The following PKN2 variants were observed in gnomAD, a reference collection of about 807,000 sequenced individuals.
PKN2 encodes the protein protein kinase N2, also known as serine/threonine-protein kinase N2.
Under a neutral mutation model 119.1 loss-of-function variants are expected in PKN2, and 38 were observed. That is an observed-to-expected ratio of 0.32 (90% confidence interval 0.25 to 0.42). The LOEUF is 0.42. PKN2 is among the 10% of genes least tolerant of loss of function. The pLI, the probability that PKN2 is intolerant of heterozygous loss-of-function variation, is 1.00. For missense variants in PKN2, 850 were observed against 1,165.1 expected (o/e 0.73, Z 3.94); for synonymous variants, 390 against 384.9 (o/e 1.01, Z -0.15).
rs1668564482 is a variant in PKN2, at chr1:88,741,178, C to G, written c.239C>G (p.Ala80Gly). 1 of 1,608,230 alleles carries G rather than the reference C, an allele frequency of 6.2e-7. No homozygotes were observed. Among genetic ancestry groups the G allele is most frequent in the Admixed American group, 1.7e-5 (1 of 59,016 alleles). The change falls in exon 2 of 22, where the codon GCT becomes GGT. Residue 80 changes from alanine to glycine, a missense_variant. Transcript: ENST00000370521. ...GTCACAACAGATAAAAAAAGTTTGG[C>G]TTATGTAGACAACATTTTGAAAAAA... is the stretch of plus-strand genomic sequence containing the variant. ...RKVTTDKKSLAYVDNILKKSN... is the reference protein window; with the variant it reads ...RKVTTDKKSLGYVDNILKKSN...
rs369398098 is a variant in PKN2 at position 88,805,656 on chromosome 1, T to C, written c.1661T>C (p.Leu554Pro). ...GTGGTTGATGTACGCATCCCTCAAC[T>C]AGCACCTCCAGCTAGGTATGTGTCT... ...VPVVDVRIPQLAPPASDSTVT... is the reference protein window; with the variant it reads ...VPVVDVRIPQPAPPASDSTVT... The change falls in exon 11 of 22, where the codon CTA becomes CCA. Residue 554 changes from leucine to proline, a missense_variant. Coordinates refer to ENST00000370521, the MANE Select transcript of PKN2 (RefSeq NM_006256.4). 1.2e-6 allele frequency: 2 copies of C among 1,613,986 alleles called. No homozygotes were observed. The highest frequency in any genetic ancestry group is 1.7e-6 in the Non-Finnish European group (2 of 1,179,994).
At chr1:88,788,908 T>C (rs916933790) in intron 8 of PKN2, among the ~76,000 whole-genome samples, 1 of 152,088 alleles carries the variant, frequency 6.6e-6, no homozygotes, top group Non-Finnish European at 1.5e-5. Flanking sequence ...CCATGAGAGA[T>C]TGAAATAAAT....
intron 1 of PKN2, among the ~76,000 whole-genome samples, chr1:88,711,050 G>T (rs1198750587): frequency 2.0e-5 from 3 of 152,072 alleles, no homozygotes; most frequent in Admixed American, 1.3e-4. Flanking sequence ...AACAGAAAAC[G>T]AAATACTACA....
intron 19 of PKN2, chr1:88,828,864 TTATTA>T (rs148201288): frequency 0.026 from 15,765 of 603,094 alleles, 546 homozygotes; most frequent in African/African-American, 0.1. Flanking sequence ...TATTGTACTT[TTATTA>T]TGTTTTCTGA....
chr1:88,767,207 A>G (rs1053625553), intron 3 of PKN2, among the ~76,000 whole-genome samples: 2 of 152,190 alleles, frequency 1.3e-5, no homozygotes, highest in Admixed American at 6.5e-5. Context: ...TTTTAGTTTA[A>G]TGCTTACAAA....
chr1:88,705,685 G>A (rs1007963796), intron 1 of PKN2, among the ~76,000 whole-genome samples: 6 of 152,060 alleles, frequency 3.9e-5, no homozygotes, highest in African/African-American at 1.2e-4. Flanking sequence ...GTGACAGAGT[G>A]AGACTCGGTC....
chr1:88,832,896 A>AT, intron 20 of PKN2, 45 bp downstream of exon 20: 1 of 1,294,042 alleles, frequency 7.7e-7, no homozygotes, highest in Non-Finnish European at 1.1e-6. Flanking sequence ...GACTACTTTA[A>AT]TTTTTTATAC....
intron 3 of PKN2, among the ~76,000 whole-genome samples, chr1:88,769,157 A>T (rs1401340173): frequency 6.6e-6 from 1 of 152,194 alleles, no homozygotes; most frequent in African/African-American, 2.4e-5. Context: ...AGGGACAAAC[A>T]TCCAAACCAT....
chr1:88,745,595 C>A (rs189613496), intron 2 of PKN2, among the ~76,000 whole-genome samples: 1 of 152,064 alleles, frequency 6.6e-6, no homozygotes, highest in East Asian at 1.9e-4. Context: ...GAAGATGGTA[C>A]AAATAAATGG....
intron 1 of PKN2, among the ~76,000 whole-genome samples, chr1:88,726,046 C>T (rs1240714560): frequency 1.3e-5 from 2 of 152,080 alleles, no homozygotes; most frequent in Non-Finnish European, 2.9e-5. Flanking sequence ...TTGTATATGG[C>T]TCTTGTATTC....
At chr1:88,755,983 G>A (rs1263154049) in intron 2 of PKN2, among the ~76,000 whole-genome samples, 8 of 149,718 alleles carry the variant, frequency 5.3e-5, no homozygotes, top group African/African-American at 1.7e-4. Context: ...CGCAATCTCC[G>A]CTCACAGCAA....
chr1:88,714,308 A>G (rs973515890), intron 1 of PKN2, among the ~76,000 whole-genome samples: 1 of 152,110 alleles, frequency 6.6e-6, no homozygotes, highest in Non-Finnish European at 1.5e-5. Flanking sequence ...GTTTTTTCCA[A>G]TTCTGTGAAG....
At chr1:88,793,637 TG>T (rs35695181) in intron 8 of PKN2, among the ~76,000 whole-genome samples, 1 of 152,162 alleles carries the variant, frequency 6.6e-6, no homozygotes, top group Non-Finnish European at 1.5e-5. Context: ...TTGGTATCCA[TG>T]GGGAACGATT....
At chr1:88,734,687 GTCTT>G (rs1356312888) in intron 1 of PKN2, among the ~76,000 whole-genome samples, 2 of 151,958 alleles carry the variant, frequency 1.3e-5, no homozygotes, top group Admixed American at 6.6e-5. Flanking sequence ...TTCTCTTGTT[GTCTT>G]TCTTTATGGT....
At chr1:88,815,440 C>T in intron 16 of PKN2, 1 of 352,598 alleles carries the variant, frequency 2.8e-6, no homozygotes, top group Non-Finnish European at 5.4e-6. Context: ...TTATCTTTTT[C>T]ATATCATTTT....
intron 1 of PKN2, among the ~76,000 whole-genome samples, chr1:88,725,300 T>C (rs918270542): frequency 2.0e-5 from 3 of 152,234 alleles, no homozygotes; most frequent in East Asian, 1.9e-4. Flanking sequence ...TAAATATATA[T>C]GTTTAAATTT....
chr1:88,686,477 C>T (rs1022666733), intron 1 of PKN2, among the ~76,000 whole-genome samples: 3 of 151,848 alleles, frequency 2.0e-5, no homozygotes, highest in Admixed American at 2.0e-4. Flanking sequence ...ATATGATGAC[C>T]TAGAAATACG....
intron 2 of PKN2, 54 bp from the exon 3 acceptor site, chr1:88,760,168 A>C: frequency 9.7e-7 from 1 of 1,032,984 alleles, no homozygotes; most frequent in Non-Finnish European, 1.5e-6. Context: ...TTAACTTCCA[A>C]TTTTAAGCAG....
At chr1:88,716,925 G>T (rs1667479624) in intron 1 of PKN2, among the ~76,000 whole-genome samples, 1 of 152,140 alleles carries the variant, frequency 6.6e-6, no homozygotes, top group Non-Finnish European at 1.5e-5. Flanking sequence ...TTTTGCAGTG[G>T]CTGGTACCAG....
Sources: gnomAD v4.1 joint callset for allele counts (sites outside exome capture counted in the v4.1 genomes callset) on GRCh38, gnomAD v4.1.1 for gene constraint, MANE v1.5 for transcripts, NCBI Gene and HGNC (gene_info 2026-07-23, HGNC 2026-07-21) for gene names.